RBFOX1: variants seen among roughly 807,000 people sequenced by gnomAD.
RBFOX1 encodes RNA binding protein fox-1 homolog 1.
A neutral mutation model predicts 57.7 loss-of-function variants in RBFOX1; 8 were observed. That is an observed-to-expected ratio of 0.14 (90% confidence interval 0.08 to 0.25). RBFOX1 has a LOEUF of 0.25. Ranked by LOEUF, RBFOX1 falls within the 10% of genes least tolerant of loss-of-function variation. RBFOX1 has a pLI of 1.00. For synonymous variants in RBFOX1, 326 were observed against 222.4 expected (o/e 1.47, Z -4.15); for missense variants, 611 against 548.5 (o/e 1.11, Z -1.14).
intron 2 of RBFOX1, among the ~76,000 whole-genome samples, chr16:6,336,139 A>G (rs1436248007): frequency 2.9e-5 from 3 of 101,948 alleles, no homozygotes; most frequent in African/African-American, 1.2e-4. Context: ...ATATATATTC[A>G]TATATATACA....
At chr16:6,106,303 C>CAA (rs113404765) in intron 1 of RBFOX1, among the ~76,000 whole-genome samples, 78 of 150,446 alleles carry the variant, frequency 5.2e-4, no homozygotes, top group Middle Eastern at 3.4e-3. Context: ...AGTAAAAATA[C>CAA]AAAAAAAATT....
chr16:6,939,597 TC>T (rs1454550458), intron 3 of RBFOX1, among the ~76,000 whole-genome samples: 2 of 151,518 alleles, frequency 1.3e-5, no homozygotes, highest in Non-Finnish European at 2.9e-5. Flanking sequence ...CTGCAACCTC[TC>T]CCTCCCAAGT....
At chr16:7,189,469 T>C (rs867342213) in intron 4 of RBFOX1, among the ~76,000 whole-genome samples, 1 of 119,442 alleles carries the variant, frequency 8.4e-6, no homozygotes, top group African/African-American at 3.4e-5. Flanking sequence ...ATGGATAGAA[T>C]CCTCATAGGG....
chr16:5,397,561 T>C (rs1298588518), intron 1 of RBFOX1, among the ~76,000 whole-genome samples: 1 of 152,132 alleles, frequency 6.6e-6, no homozygotes, highest in African/African-American at 2.4e-5. Context: ...TGATTAAAGA[T>C]TGAAAAGTCA....
At chr16:7,059,805 C>A (rs187097339) in intron 4 of RBFOX1, among the ~76,000 whole-genome samples, 7 of 152,018 alleles carry the variant, frequency 4.6e-5, no homozygotes, top group Non-Finnish European at 7.3e-5. Context: ...GTTCCCAGGG[C>A]TGCTTCTGCC....
rs1342811471 is a variant in RBFOX1, at chr16:5,867,406, C to T, written c.351+71C>T. 8.4e-6 allele frequency: 8 copies of T among 949,830 alleles called. No individual in the cohort carries two copies. The East Asian group carries it at 9.9e-5, about 12-fold the overall frequency. 58.8% of individuals were successfully genotyped at this position (949,830 alleles called of 1,614,324 possible). A position where few individuals can be genotyped will look rare whatever the true frequency, so the allele number is the denominator to read the frequency against. On this transcript the variant is annotated intron_variant, in intron 4 of 19. Coordinates refer to the RBFOX1 transcript ENST00000641259. Reference sequence around the variant, plus strand: ...GGGTTTCTTTTGTGATGGAGTGTAACGAGCATTCTAGCAATGATTCTTCCG... The same window carrying T: ...GGGTTTCTTTTGTGATGGAGTGTAATGAGCATTCTAGCAATGATTCTTCCG...
intron 3 of RBFOX1, among the ~76,000 whole-genome samples, chr16:5,608,555 A>G (rs1400764128): frequency 6.6e-6 from 1 of 152,220 alleles, no homozygotes; most frequent in Non-Finnish European, 1.5e-5. Context: ...GAGTTGATAA[A>G]TCAAATTGTT....
chr16:5,837,532 C>G (rs1009237183), intron 3 of RBFOX1, among the ~76,000 whole-genome samples: 1 of 152,070 alleles, frequency 6.6e-6, no homozygotes, highest in Admixed American at 6.5e-5. Context: ...CACTGGTTAC[C>G]ACACAGTCCC....
chr16:7,402,268 G>A (rs1280027672), intron 4 of RBFOX1, among the ~76,000 whole-genome samples: 1 of 152,074 alleles, frequency 6.6e-6, no homozygotes, highest in Non-Finnish European at 1.5e-5. Flanking sequence ...ATTCAGTCCC[G>A]GACGTTGTTA....
intron 2 of RBFOX1, among the ~76,000 whole-genome samples, chr16:6,433,910 C>G (rs9928325): frequency 6.7e-6 from 1 of 148,558 alleles, no homozygotes; most frequent in East Asian, 2.0e-4. Flanking sequence ...TATAGTGGCA[C>G]CATCTCTGCT....
At chr16:6,978,256 G>C (rs1398240728) in intron 3 of RBFOX1, among the ~76,000 whole-genome samples, 2 of 152,128 alleles carry the variant, frequency 1.3e-5, no homozygotes, top group African/African-American at 4.8e-5. Context: ...GGAGAGCGTG[G>C]CTTTGTACTT....
At chr16:7,442,790 C>A (rs1206107933) in intron 4 of RBFOX1, among the ~76,000 whole-genome samples, 1 of 152,136 alleles carries the variant, frequency 6.6e-6, no homozygotes. Flanking sequence ...CGATCGTCAC[C>A]CACCAGATCA....
intron 13 of RBFOX1, among the ~76,000 whole-genome samples, chr16:7,675,864 T>G (rs2073120565): frequency 6.6e-6 from 1 of 152,204 alleles, no homozygotes; most frequent in Non-Finnish European, 1.5e-5. Context: ...GGATCCTGTT[T>G]AACTGTGCTG....
At chr16:5,823,695 T>A (rs2151810263) in intron 3 of RBFOX1, among the ~76,000 whole-genome samples, 1 of 152,288 alleles carries the variant, frequency 6.6e-6, no homozygotes, top group East Asian at 1.9e-4. Context: ...AATCCTATTG[T>A]GAACTGCACA....
intron 1 of RBFOX1, among the ~76,000 whole-genome samples, chr16:5,418,711 C>T (rs758197): frequency 0.45 from 68,358 of 151,776 alleles, 17,598 homozygotes; most frequent in East Asian, 0.62. Context: ...GACTCCCTCT[C>T]CCAATGTTCC....
chr16:6,735,660 A>T (rs1241748244), intron 3 of RBFOX1, among the ~76,000 whole-genome samples: 1 of 152,194 alleles, frequency 6.6e-6, no homozygotes, highest in East Asian at 1.9e-4. Context: ...TTTGGGTAAC[A>T]ATGCTGAGAC....
At chr16:6,954,633 C>T (rs945883395) in intron 3 of RBFOX1, among the ~76,000 whole-genome samples, 2 of 152,076 alleles carry the variant, frequency 1.3e-5, no homozygotes, top group Non-Finnish European at 2.9e-5. Flanking sequence ...CAAAAAGAGG[C>T]ATGATTTTTC....
intron 3 of RBFOX1, among the ~76,000 whole-genome samples, chr16:6,867,101 C>A (rs1351619755): frequency 6.6e-6 from 1 of 151,802 alleles, no homozygotes; most frequent in Non-Finnish European, 1.5e-5. Context: ...AGAACACTTC[C>A]AGTGGGAATT....
chr16:7,263,751 C>T (rs1049002519), intron 4 of RBFOX1, among the ~76,000 whole-genome samples: 1 of 151,844 alleles, frequency 6.6e-6, no homozygotes, highest in African/African-American at 2.4e-5. Flanking sequence ...CAAAAATTAG[C>T]TGGGTGTGGT....
Sources: gnomAD v4.1 joint callset for allele counts (sites outside exome capture counted in the v4.1 genomes callset) on GRCh38, gnomAD v4.1.1 for gene constraint, MANE v1.5 for transcripts, NCBI Gene and HGNC (gene_info 2026-07-23, HGNC 2026-07-21) for gene names.